Variants in CA8 observed in about 807,000 individuals in gnomAD.
CA8 encodes the protein carbonic anhydrase 8 (inactive).
CA8 carries 22 observed loss-of-function variants against 41.4 expected under a neutral mutation model. That is an observed-to-expected ratio of 0.53 (90% CI 0.38 to 0.76). The LOEUF (loss-of-function observed/expected upper bound fraction) is 0.76. Ranked by LOEUF, CA8 falls within the 30% of genes least tolerant of loss-of-function variation. The pLI, the probability that CA8 is intolerant of heterozygous loss-of-function variation, is 0.00. For missense variants in CA8, 270 were observed against 352.8 expected (o/e 0.77, Z 1.88); for synonymous variants, 121 against 130.6 (o/e 0.93, Z 0.50).
Position 60,281,171 on chromosome 8 carries a change from C to A in CA8, c.-24G>T, listed in dbSNP as rs1239314442. The A allele has an allele frequency of 6.6e-7, 1 of 1,514,134 alleles. No individual in the cohort carries two copies. Among genetic ancestry groups the A allele is most frequent in the Non-Finnish European group, 8.9e-7 (1 of 1,119,180 alleles). The allele number at this position is 1,514,134 out of a possible 1,614,324, so 93.8% of individuals were successfully genotyped here. On this transcript the variant is annotated 5_prime_UTR_variant, in exon 1 of 9. Transcript: ENST00000317995. ...ATGGGAAGGCCGCGGGGCCCCTCGG[C>A]GCTCTCGGCAGCAGTGCCTGCGCCT...
chr8:60,233,367 T>C (rs575249309), intron 3 of CA8, among the ~76,000 whole-genome samples: 4 of 152,350 alleles, frequency 2.6e-5, no homozygotes, highest in East Asian at 1.9e-4. Context: ...ATTTTTCCAC[T>C]GCTGAATTTA....
chr8:60,235,298 T>C (rs930118946), intron 3 of CA8, among the ~76,000 whole-genome samples: 8 of 152,224 alleles, frequency 5.3e-5, no homozygotes, highest in African/African-American at 1.9e-4. Context: ...TCTAGGAGTC[T>C]GTGTCCAAAT....
chr8:60,212,075 G>A (rs775833893), intron 7 of CA8, among the ~76,000 whole-genome samples: 15 of 152,186 alleles, frequency 9.9e-5, no homozygotes, highest in Middle Eastern at 3.4e-3. Context: ...AACTGAATGC[G>A]GGGCACCAAC....
At chr8:60,250,084 G>GTGAT (rs1227496443) in intron 3 of CA8, among the ~76,000 whole-genome samples, 7 of 152,154 alleles carry the variant, frequency 4.6e-5, no homozygotes, top group African/African-American at 7.2e-5. Context: ...ATAAGCATTG[G>GTGAT]TGATAGGATA....
At chr8:60,273,003 C>T (rs1804119064) in intron 2 of CA8, among the ~76,000 whole-genome samples, 1 of 152,220 alleles carries the variant, frequency 6.6e-6, no homozygotes, top group Admixed American at 6.5e-5. Context: ...TCTATTGACA[C>T]TGCAGATGAA....
intron 7 of CA8, among the ~76,000 whole-genome samples, chr8:60,209,320 C>G (rs1806751937): frequency 6.6e-6 from 1 of 152,142 alleles, no homozygotes; most frequent in Non-Finnish European, 1.5e-5. Flanking sequence ...CCTGTCTCTA[C>G]TAAAAATACA....
At chr8:60,279,092 G>A (rs996320204) in intron 2 of CA8, among the ~76,000 whole-genome samples, 1 of 151,230 alleles carries the variant, frequency 6.6e-6, no homozygotes, top group Non-Finnish European at 1.5e-5. Flanking sequence ...GCAAGTGGTA[G>A]GAGAAGTTTC....
chr8:60,235,324 G>A (rs1475583861), intron 3 of CA8, among the ~76,000 whole-genome samples: 1 of 152,004 alleles, frequency 6.6e-6, no homozygotes. Flanking sequence ...CTTCTTATAA[G>A]GACACCAGGC....
rs1806733163 is a variant in CA8 at position 60,208,835 on chromosome 8, G to C, written c.823C>G (p.Arg275Gly). ...GCDGILGDNF[R>G]PTQPLSDRVI... ...CTGTCACTAAGAGGCTGAGTGGGCC[G>C]AAAGTTGTCTCCCAAAATCCCATCA... is the stretch of plus-strand genomic sequence containing the variant. The change falls in exon 8 of 9, where the codon CGG becomes GGG. Residue 275 changes from arginine (R) to glycine (G), a missense_variant. This residue lies in a region of CA8 where 141 missense variants were observed against 191.6 expected (regional missense o/e 0.74). Coordinates refer to ENST00000317995, the MANE Select transcript of CA8 (RefSeq NM_004056.6). 1 of 1,614,102 alleles carries C rather than the reference G, an allele frequency of 6.2e-7. No individual in the cohort carries two copies. Among genetic ancestry groups the C allele is most frequent in the Non-Finnish European group, 8.5e-7 (1 of 1,180,002 alleles).
intron 1 of CA8, 147 bp downstream of exon 1, chr8:60,280,901 G>A (rs771255096): frequency 1.5e-6 from 1 of 684,822 alleles, no homozygotes; most frequent in Non-Finnish European, 2.6e-6. Context: ...CGCACCAGGG[G>A]AGTGGGAAAG....
At position 60,201,420 on chromosome 8, in the gene CA8, C is replaced by G. The variant is rs80182985; in HGVS notation, c.*35+7330G>C. On this transcript the variant is annotated intron_variant, in intron 8 of 8. Coordinates refer to ENST00000317995, the MANE Select transcript of CA8 (RefSeq NM_004056.6). The stretch of plus-strand genomic sequence containing the variant: ...AGTGGACTCCAACATTAAGTAGCCT[C>G]CTAAAAGAACATTCGTGTAGCATGC... Among the ~76,000 whole-genome samples the G allele has an allele frequency of 4.8e-3, 732 of 152,156 alleles. 7 individuals carry two copies. Among genetic ancestry groups the G allele is most frequent in the African/African-American group, 0.016 (672 of 41,490 alleles).
intron 3 of CA8, among the ~76,000 whole-genome samples, chr8:60,233,006 C>G (rs1347423034): frequency 6.6e-6 from 1 of 152,196 alleles, no homozygotes; most frequent in African/African-American, 2.4e-5. Context: ...TCAGAGGCCT[C>G]CCTCACTCCT....
intron 3 of CA8, among the ~76,000 whole-genome samples, chr8:60,245,788 G>C (rs768843506): frequency 5.9e-5 from 9 of 152,136 alleles, no homozygotes; most frequent in Non-Finnish European, 1.2e-4. Flanking sequence ...AACAGGAAAG[G>C]CATCAATGGG....
At chr8:60,219,598 G>A (rs1414285855) in intron 7 of CA8, among the ~76,000 whole-genome samples, 1 of 152,076 alleles carries the variant, frequency 6.6e-6, no homozygotes, top group Non-Finnish European at 1.5e-5. Context: ...AACAGAAAAG[G>A]CAGAAACCTC....
Position 60,268,716 on chromosome 8 carries a change from G to T in CA8, c.293-2667C>A, listed in dbSNP as rs907981539. On this transcript the variant is annotated intron_variant, in intron 2 of 8. Coordinates refer to ENST00000317995, the MANE Select transcript of CA8 (RefSeq NM_004056.6). The stretch of plus-strand genomic sequence containing the variant: ...TAAGTATTTAGAATACATTGATTTT[G>T]ACAAAACAGACAAAATTCCCTGGCC... Among the ~76,000 whole-genome samples the T allele has an allele frequency of 2.6e-5, 4 of 152,200 alleles. No homozygotes were observed. The South Asian group carries it at 8.3e-4, about 32-fold the overall frequency.
At chr8:60,206,763 G>C (rs577397837) in intron 8 of CA8, among the ~76,000 whole-genome samples, 1 of 152,124 alleles carries the variant, frequency 6.6e-6, no homozygotes, top group South Asian at 2.1e-4. Flanking sequence ...AGCACAGAGA[G>C]TGCCCATCCT....
At chr8:60,199,304 T>G (rs72663292) in intron 8 of CA8, among the ~76,000 whole-genome samples, 42,103 of 151,970 alleles carry the variant, frequency 0.28, 6,058 homozygotes, top group Middle Eastern at 0.41. Context: ...TTTTTTTCTA[T>G]GTATGCGGAG....
chr8:60,193,639 G>A (rs187938767), intron 8 of CA8, among the ~76,000 whole-genome samples: 20 of 152,290 alleles, frequency 1.3e-4, no homozygotes, highest in African/African-American at 3.4e-4. Context: ...AGCTTCCAGC[G>A]TTGCTTTTGA....
At position 60,232,942 on chromosome 8, in the gene CA8, C is replaced by T. The variant is rs538516517; in HGVS notation, c.418-563G>A. On this transcript the variant is annotated intron_variant, in intron 3 of 8. Transcript: ENST00000317995. ...GCTGATGTAAATCTCTAAAAGAAGG[C>T]GATTTCCTGCACTGGCGATAAAATT... Among the ~76,000 whole-genome samples, 7 of 152,244 alleles carry T rather than the reference C, an allele frequency of 4.6e-5. No individual in the cohort carries two copies. The South Asian group carries it at 1.2e-3, about 27-fold the overall frequency.
Sources: allele counts gnomAD v4.1 joint callset (sites outside exome capture counted in the v4.1 genomes callset), GRCh38; gene constraint gnomAD v4.1.1; regional missense constraint gnomAD v4.1.1; transcripts MANE v1.5; gene names NCBI Gene and HGNC (gene_info 2026-07-23, HGNC 2026-07-21).